The following CHCHD6 variants were observed in gnomAD, a reference collection of about 807,000 sequenced individuals.
CHCHD6 encodes the protein coiled-coil-helix-coiled-coil-helix domain containing 6.
CHCHD6 carries 28 observed loss-of-function variants against 32.3 expected under a neutral mutation model. The ratio of observed to expected loss-of-function variants is 0.87; its 90% CI spans 0.64 to 1.19. CHCHD6 has a LOEUF of 1.19. Among genes scored for constraint, CHCHD6 ranks in the 50% most tolerant of loss-of-function variants. CHCHD6 has a pLI of 0.00. For synonymous variants in CHCHD6, 122 were observed against 117.5 expected, an observed-to-expected ratio of 1.04 and a Z score of -0.25; for missense variants, 333 against 307.0, an observed-to-expected ratio of 1.08 and a Z score of -0.63.
intron 4 of CHCHD6, among the ~76,000 whole-genome samples, chr3:126,762,942 A>T (rs1937218486): frequency 6.6e-6 from 1 of 152,134 alleles, no homozygotes; most frequent in Non-Finnish European, 1.5e-5. Context: ...TTTGGATCTA[A>T]TGTAATTTTC....
At chr3:126,905,388 T>G (rs2077990309) in intron 5 of CHCHD6, among the ~76,000 whole-genome samples, 1 of 152,120 alleles carries the variant, frequency 6.6e-6, no homozygotes, top group Admixed American at 6.5e-5. Flanking sequence ...CAGGAGTTTC[T>G]TGGGTAGATA....
chr3:126,712,474 T>A lies in CHCHD6; in HGVS notation c.87+8075T>A, dbSNP rs1444254866. Among the ~76,000 whole-genome samples the A allele has an allele frequency of 2.0e-5, 3 of 152,336 alleles. No individual in the cohort carries two copies. The South Asian group carries it at 6.2e-4, about 32-fold the overall frequency. Reference sequence around the variant, plus strand: ...ATAAATCTATAAAATAATATAAATGTAAGGTTGTTAATTGTAACCCTTACT... The same window carrying A: ...ATAAATCTATAAAATAATATAAATGAAAGGTTGTTAATTGTAACCCTTACT... On this transcript the variant is annotated intron_variant, in intron 1 of 7. Transcript: ENST00000290913.
intron 5 of CHCHD6, among the ~76,000 whole-genome samples, chr3:126,863,064 C>T (rs1450902180): frequency 5.9e-5 from 3 of 50,920 alleles, no homozygotes; most frequent in Non-Finnish European, 1.2e-4. Context: ...CCTCCTCCTC[C>T]ACCATCATCA....
intron 4 of CHCHD6, 42 bp from the exon 5 acceptor site, chr3:126,852,605 C>A: frequency 6.8e-7 from 1 of 1,467,780 alleles, no homozygotes; most frequent in South Asian, 1.1e-5. Context: ...ATTCCAGCAC[C>A]ATCGCTGCTG....
At chr3:126,911,883 A>G (rs1207784712) in intron 5 of CHCHD6, among the ~76,000 whole-genome samples, 1 of 152,190 alleles carries the variant, frequency 6.6e-6, no homozygotes, top group Admixed American at 6.5e-5. Flanking sequence ...TGGTGACCTG[A>G]CACTCAGGAG....
At chr3:126,825,058 A>C (rs1940330009) in intron 4 of CHCHD6, among the ~76,000 whole-genome samples, 1 of 152,162 alleles carries the variant, frequency 6.6e-6, no homozygotes, top group African/African-American at 2.4e-5. Flanking sequence ...TTAAGGCTAT[A>C]ATTTTTCCTT....
chr3:126,790,529 C>T (rs1048863064), intron 4 of CHCHD6, among the ~76,000 whole-genome samples: 1 of 152,082 alleles, frequency 6.6e-6, no homozygotes, highest in African/African-American at 2.4e-5. Flanking sequence ...TTTCTTTTTA[C>T]TCTTTTTTCT....
chr3:126,756,530 G>C (rs957693181), intron 4 of CHCHD6, among the ~76,000 whole-genome samples: 1 of 152,144 alleles, frequency 6.6e-6, no homozygotes, highest in Non-Finnish European at 1.5e-5. Context: ...TTTCAGGATT[G>C]CCTCCCTTTA....
intron 6 of CHCHD6, among the ~76,000 whole-genome samples, chr3:126,950,865 A>T (rs933142371): frequency 3.9e-5 from 6 of 152,168 alleles, no homozygotes; most frequent in Non-Finnish European, 8.8e-5. Context: ...ATAGAGCCAT[A>T]CCATTGTTGG....
intron 4 of CHCHD6, among the ~76,000 whole-genome samples, chr3:126,737,290 G>C (rs1936085835): frequency 6.6e-6 from 1 of 151,848 alleles, no homozygotes; most frequent in East Asian, 1.9e-4. Flanking sequence ...TTGCACTCCA[G>C]CCTGGGCGAC....
At chr3:126,732,762 G>A (rs528054967) in intron 3 of CHCHD6, among the ~76,000 whole-genome samples, 9 of 152,354 alleles carry the variant, frequency 5.9e-5, no homozygotes, top group Admixed American at 2.6e-4. Context: ...GAGGCAATCC[G>A]TGGATTGAGC....
At chr3:126,897,451 C>T (rs1319175217) in intron 5 of CHCHD6, among the ~76,000 whole-genome samples, 1 of 152,184 alleles carries the variant, frequency 6.6e-6, no homozygotes, top group Non-Finnish European at 1.5e-5. Context: ...CCTACTTTTT[C>T]ATCTGATTTT....
chr3:126,743,575 G>T (rs1936370296), intron 4 of CHCHD6, among the ~76,000 whole-genome samples: 1 of 152,182 alleles, frequency 6.6e-6, no homozygotes, highest in Non-Finnish European at 1.5e-5. Flanking sequence ...TGACAGCTGG[G>T]GCTGGGGGCT....
rs559207803 is a variant in CHCHD6 at position 126,871,518 on chromosome 3, T to C, written c.495+18788T>C. ...ATAGAAATCACCTCTGTTCATCAGA[T>C]TGTAGGTCTCCTTCTCCCCAGGATG... On this transcript the variant is annotated intron_variant, in intron 5 of 7. Coordinates refer to ENST00000290913, the MANE Select transcript of CHCHD6 (RefSeq NM_032343.3). Among the ~76,000 whole-genome samples the C allele has an allele frequency of 3.9e-5, 6 of 152,084 alleles. No individual in the cohort carries two copies. In the South Asian group the frequency reaches 1.0e-3, roughly 26 times the overall value.
At chr3:126,733,923 G>A (rs1025593421) in intron 4 of CHCHD6, among the ~76,000 whole-genome samples, 1 of 152,140 alleles carries the variant, frequency 6.6e-6, no homozygotes, top group Non-Finnish European at 1.5e-5. Flanking sequence ...CATGGACCTG[G>A]TGCTTCTCTT....
intron 6 of CHCHD6, among the ~76,000 whole-genome samples, chr3:126,936,712 C>T (rs190529968): frequency 3.3e-4 from 50 of 152,244 alleles, no homozygotes; most frequent in Non-Finnish European, 5.7e-4. Flanking sequence ...TGCACCACCA[C>T]GCTCAGCTAA....
At chr3:126,709,971 A>G (rs1363780006) in intron 1 of CHCHD6, among the ~76,000 whole-genome samples, 1 of 152,202 alleles carries the variant, frequency 6.6e-6, no homozygotes, top group South Asian at 2.1e-4. Context: ...CCTGACACCA[A>G]TCCTACATGG....
chr3:126,948,366 T>G (rs1199463694), intron 6 of CHCHD6, among the ~76,000 whole-genome samples: 2 of 152,200 alleles, frequency 1.3e-5, no homozygotes, highest in Non-Finnish European at 2.9e-5. Context: ...TCCTTGGCAT[T>G]CCGGGACACA....
chr3:126,924,871 C>A (rs2078300792), intron 6 of CHCHD6, among the ~76,000 whole-genome samples: 1 of 152,196 alleles, frequency 6.6e-6, no homozygotes, highest in African/African-American at 2.4e-5. Flanking sequence ...CAGCCAGGAG[C>A]TGAGGTCGCA....
Sources: gnomAD v4.1 joint callset for allele counts (sites outside exome capture counted in the v4.1 genomes callset) on GRCh38, gnomAD v4.1.1 for gene constraint, MANE v1.5 for transcripts, NCBI Gene and HGNC (gene_info 2026-07-23, HGNC 2026-07-21) for gene names.